Variants in PHF20 observed in about 807,000 individuals in gnomAD.
PHF20 encodes PHD finger protein 20.
PHF20 carries 23 observed loss-of-function variants against 113.5 expected under a neutral mutation model. That is an observed-to-expected ratio of 0.20 (90% CI 0.15 to 0.29). The LOEUF (loss-of-function observed/expected upper bound fraction) is 0.29. Ranked by LOEUF, PHF20 falls within the 10% of genes least tolerant of loss-of-function variation. The probability of loss-of-function intolerance (pLI) is 1.00; values close to 1 mark genes in which losing one functional copy is unlikely to be tolerated. For synonymous variants in PHF20, 434 were observed against 457.3 expected (o/e 0.95, Z 0.65); for missense variants, 943 against 1,219.6 (o/e 0.77, Z 3.38).
intron 17 of PHF20, among the ~76,000 whole-genome samples, chr20:35,942,668 G>A (rs2056005351): frequency 6.6e-6 from 1 of 152,124 alleles, no homozygotes; most frequent in Non-Finnish European, 1.5e-5. Flanking sequence ...TAAGACTCTA[G>A]GCCCTGAGAG....
At chr20:35,814,674 C>T (rs963060626) in intron 2 of PHF20, among the ~76,000 whole-genome samples, 1 of 146,336 alleles carries the variant, frequency 6.8e-6, no homozygotes, top group Non-Finnish European at 1.5e-5. Context: ...GAGATCGAGA[C>T]CATCCCGGCT....
At chr20:35,882,078 A>C (rs1260504318) in intron 9 of PHF20, among the ~76,000 whole-genome samples, 1 of 152,230 alleles carries the variant, frequency 6.6e-6, no homozygotes, top group South Asian at 2.1e-4. Flanking sequence ...TGCAAAGGTA[A>C]ATGAACACTT....
chr20:35,938,977 G>T lies in PHF20; in HGVS notation c.2581G>T (p.Gly861Cys). The T allele has an allele frequency of 6.2e-7, 1 of 1,614,158 alleles. No homozygotes were observed. The highest frequency in any genetic ancestry group is 1.1e-5 in the South Asian group (1 of 91,088). Residue 861 changes from glycine (G) to cysteine (C), a missense_variant, in exon 16 of 18, where the codon GGC (glycine) becomes TGC (cysteine). Gly to Cys is a radical substitution (Grantham distance 159). This residue lies in a region of PHF20 where 349 missense variants were observed against 412.3 expected (regional missense o/e 0.85). Coordinates refer to ENST00000374012, the MANE Select transcript of PHF20 (RefSeq NM_016436.5). ...VEQKLVVETRGSALDDAVNPL... is the reference protein window; with the variant it reads ...VEQKLVVETRCSALDDAVNPL... Reference sequence around the variant, plus strand: ...GCAGAAGCTGGTGGTGGAGACGAGGGGCTCTGCCCTCGACGATGCGGTCAA... The same window carrying T: ...GCAGAAGCTGGTGGTGGAGACGAGGTGCTCTGCCCTCGACGATGCGGTCAA...
At chr20:35,876,647 A>G (rs1386735831) in intron 9 of PHF20, among the ~76,000 whole-genome samples, 2 of 152,090 alleles carry the variant, frequency 1.3e-5, no homozygotes, top group Non-Finnish European at 2.9e-5. Context: ...TTTATGCAGT[A>G]AAACAGAAGT....
chr20:35,805,380 T>G (rs1047584058), intron 2 of PHF20, among the ~76,000 whole-genome samples: 1 of 147,020 alleles, frequency 6.8e-6, no homozygotes, highest in Admixed American at 6.9e-5. Context: ...TTATTATTAT[T>G]ATTATTATTA....
In PHF20 at chr20:35,877,163, GCCTGTAAT is replaced by G. The variant is rs1309679973; in HGVS notation, c.1282+5339_1282+5346del. Among the ~76,000 whole-genome samples, 11 of 145,210 alleles carry G rather than the reference GCCTGTAAT, an allele frequency of 7.6e-5. No homozygotes were observed. In the South Asian group the frequency reaches 2.5e-3, roughly 33 times the overall value. Reference sequence around the variant, plus strand: ...AAATTTGCTGGGCATGGTGGTGGGCGCCTGTAATCCTGGATACTTGGGAGGCTGAGGCA... The same window carrying G: ...AAATTTGCTGGGCATGGTGGTGGGCGCCTGGATACTTGGGAGGCTGAGGCA... On this transcript the variant is annotated intron_variant, in intron 9 of 17. Coordinates refer to ENST00000374012, the MANE Select transcript of PHF20 (RefSeq NM_016436.5).
intron 2 of PHF20, among the ~76,000 whole-genome samples, chr20:35,820,445 C>CTTTTT (rs369532387): frequency 2.3e-5 from 3 of 129,628 alleles, no homozygotes; most frequent in African/African-American, 5.8e-5. Context: ...GGAATAAGTA[C>CTTTTT]TTTTTTTTTT....
At chr20:35,810,663 A>C (rs1007570344) in intron 2 of PHF20, among the ~76,000 whole-genome samples, 1 of 152,298 alleles carries the variant, frequency 6.6e-6, no homozygotes, top group Non-Finnish European at 1.5e-5. Flanking sequence ...CTGAGTTCAT[A>C]GCATTTTTGT....
intron 5 of PHF20, among the ~76,000 whole-genome samples, chr20:35,862,172 C>T (rs1418332435): frequency 6.6e-6 from 1 of 152,142 alleles, no homozygotes; most frequent in Non-Finnish European, 1.5e-5. Context: ...AGCTCAGGAA[C>T]ATAGTAGGTG....
intron 12 of PHF20, among the ~76,000 whole-genome samples, chr20:35,916,710 G>A (rs1280530425): frequency 6.6e-6 from 1 of 151,656 alleles, no homozygotes; most frequent in Non-Finnish European, 1.5e-5. Flanking sequence ...TCAAGTGATC[G>A]GCCCACCTTG....
intron 4 of PHF20, among the ~76,000 whole-genome samples, chr20:35,854,258 A>G (rs966041836): frequency 2.0e-4 from 30 of 152,330 alleles, no homozygotes; most frequent in Admixed American, 1.2e-3. Flanking sequence ...ATTGTCTGCA[A>G]TGCTGAGTCC....
rs1181218457 is a variant in PHF20 at position 35,948,010 on chromosome 20, C to T, written c.*383C>T. Reference sequence around the variant, plus strand: ...GAGTTTATTTAATTGACTTTTCTATCACGTTGGGGCACATGCCAACTCCCT... The same window carrying T: ...GAGTTTATTTAATTGACTTTTCTATTACGTTGGGGCACATGCCAACTCCCT... On this transcript the variant is annotated 3_prime_UTR_variant, in exon 18 of 18. Coordinates refer to ENST00000374012, the MANE Select transcript of PHF20 (RefSeq NM_016436.5). 1 of 177,478 alleles carries T rather than the reference C, an allele frequency of 5.6e-6. No individual in the cohort carries two copies. The highest frequency in any genetic ancestry group is 1.5e-4 in the East Asian group (1 of 6,836). 11.0% of individuals were successfully genotyped at this position (177,478 alleles called of 1,614,324 possible).
chr20:35,937,371 G>A (rs148611922), intron 15 of PHF20, among the ~76,000 whole-genome samples: 103 of 151,828 alleles, frequency 6.8e-4, no homozygotes, highest in African/African-American at 2.3e-3. Context: ...GGGAGGCTGA[G>A]GAGGGAGAAT....
chr20:35,823,225 G>T (rs963783364), intron 2 of PHF20, among the ~76,000 whole-genome samples: 12 of 152,038 alleles, frequency 7.9e-5, no homozygotes, highest in Non-Finnish European at 1.3e-4. Flanking sequence ...GATTTGAGAT[G>T]CTCAACCCAT....
chr20:35,875,092 T>C (rs1029945024), intron 9 of PHF20, among the ~76,000 whole-genome samples: 1 of 151,908 alleles, frequency 6.6e-6, no homozygotes, highest in African/African-American at 2.4e-5. Context: ...GAAGACCCTA[T>C]CTCCTAAAAT....
intron 4 of PHF20, among the ~76,000 whole-genome samples, chr20:35,850,309 T>TTTTTTG (rs2042699770): frequency 2.0e-5 from 2 of 100,658 alleles, no homozygotes; most frequent in African/African-American, 9.9e-5. Flanking sequence ...TTTTTTTTTT[T>TTTTTTG]TTTTTTTTTT....
intron 15 of PHF20, among the ~76,000 whole-genome samples, chr20:35,935,754 T>C (rs2055853082): frequency 6.6e-6 from 1 of 152,206 alleles, no homozygotes; most frequent in Non-Finnish European, 1.5e-5. Flanking sequence ...CTTCTAGCAA[T>C]TCAGAAGAGG....
chr20:35,859,193 C>T (rs556549170), intron 5 of PHF20, among the ~76,000 whole-genome samples: 3 of 152,278 alleles, frequency 2.0e-5, no homozygotes, highest in African/African-American at 7.2e-5. Flanking sequence ...CCTGTTGTTC[C>T]AGTCACCATG....
intron 1 of PHF20, among the ~76,000 whole-genome samples, chr20:35,799,166 A>G (rs906158982): frequency 2.0e-5 from 3 of 152,058 alleles, no homozygotes; most frequent in African/African-American, 4.8e-5. Context: ...GAGCCAAAGT[A>G]TAAGGCTGGA....
Sources: allele counts gnomAD v4.1 joint callset (sites outside exome capture counted in the v4.1 genomes callset), GRCh38; gene constraint gnomAD v4.1.1; regional missense constraint gnomAD v4.1.1; transcripts MANE v1.5; gene names NCBI Gene and HGNC (gene_info 2026-07-23, HGNC 2026-07-21).